PCDH15: variants seen among roughly 807,000 people sequenced by gnomAD.
The protein encoded by PCDH15 is protocadherin-15.
A neutral mutation model predicts 178.5 loss-of-function variants in PCDH15; 129 were observed. That is an observed-to-expected ratio of 0.72 (90% CI 0.63 to 0.84). PCDH15 has a LOEUF of 0.84. Ranked by LOEUF, PCDH15 falls within the 40% of genes least tolerant of loss-of-function variation. The probability of loss-of-function intolerance (pLI) is 0.00; values close to 1 mark genes in which losing one functional copy is unlikely to be tolerated. For synonymous variants in PCDH15, 800 were observed against 732.0 expected, an observed-to-expected ratio of 1.09 and a Z score of -1.50; for missense variants, 2,230 against 2,099.9, an observed-to-expected ratio of 1.06 and a Z score of -1.21.
intron 2 of PCDH15, among the ~76,000 whole-genome samples, chr10:55,336,764 A>G (rs1277433761): frequency 6.6e-6 from 1 of 152,130 alleles, no homozygotes; most frequent in African/African-American, 2.4e-5. Context: ...ACAGCTGTCC[A>G]TGAAAAACAT....
At chr10:54,420,988 C>A (rs1203334987) in intron 3 of PCDH15, among the ~76,000 whole-genome samples, 2 of 152,046 alleles carry the variant, frequency 1.3e-5, no homozygotes, top group Non-Finnish European at 2.9e-5. Context: ...TCTCCCTCAA[C>A]CTGGAATACC....
chr10:54,664,826 A>G (rs2094545325), intron 1 of PCDH15, among the ~76,000 whole-genome samples: 1 of 151,742 alleles, frequency 6.6e-6, no homozygotes, highest in Non-Finnish European at 1.5e-5. Flanking sequence ...AAAATCTGTC[A>G]ATTTTCACTA....
At chr10:53,940,758 T>C in intron 24 of PCDH15, 108 bp downstream of exon 24, 1 of 858,132 alleles carries the variant, frequency 1.2e-6, no homozygotes, top group Non-Finnish European at 1.9e-6. Flanking sequence ...ATGGGCACAA[T>C]TTTATTAGAA....
At chr10:54,443,536 T>C (rs1163246098) in intron 3 of PCDH15, among the ~76,000 whole-genome samples, 1 of 151,636 alleles carries the variant, frequency 6.6e-6, no homozygotes, top group Non-Finnish European at 1.5e-5. Context: ...ATATCCCTTA[T>C]ATGGAAACAG....
At chr10:55,380,672 T>C (rs1588971152) in intron 2 of PCDH15, among the ~76,000 whole-genome samples, 1 of 152,154 alleles carries the variant, frequency 6.6e-6, no homozygotes, top group African/African-American at 2.4e-5. Context: ...CACCTCTGCA[T>C]TGGCCACGCA....
chr10:54,755,638 C>T (rs1480176141), intron 1 of PCDH15, among the ~76,000 whole-genome samples: 1 of 151,966 alleles, frequency 6.6e-6, no homozygotes, highest in African/African-American at 2.4e-5. Flanking sequence ...CTTTATGACA[C>T]AATAGTAAAC....
chr10:54,100,104 A>G (rs183062448), intron 15 of PCDH15, among the ~76,000 whole-genome samples: 1 of 152,286 alleles, frequency 6.6e-6, no homozygotes, highest in Admixed American at 6.5e-5. Flanking sequence ...ATGGTGGCTC[A>G]TGACTGTAAT....
intron 2 of PCDH15, among the ~76,000 whole-genome samples, chr10:55,147,324 C>A (rs1299675841): frequency 2.6e-5 from 4 of 151,372 alleles, no homozygotes; most frequent in African/African-American, 4.8e-5. Context: ...GAAAAAAATT[C>A]TTCACATATA....
chr10:55,259,397 T>C (rs1397729668), intron 1 of PCDH15, among the ~76,000 whole-genome samples: 1 of 152,154 alleles, frequency 6.6e-6, no homozygotes, highest in Non-Finnish European at 1.5e-5. Context: ...AGAATCTAAG[T>C]AAAGAAAGTA....
chr10:54,765,532 G>A (rs117938057), intron 1 of PCDH15, among the ~76,000 whole-genome samples: 1 of 152,174 alleles, frequency 6.6e-6, no homozygotes, highest in East Asian at 1.9e-4. Context: ...CCAGAATTTT[G>A]TTTGGACATA....
chr10:53,930,786 T>A lies in PCDH15; in HGVS notation c.3373+8029A>T, dbSNP rs564091857. ...ACATAAACCCCCTAGCTTTAGTCAA[T>A]CAGGGAGATGGATTTGAAACTGAAC... On this transcript the variant is annotated intron_variant, in intron 25 of 37. Transcript: ENST00000644397. Among the ~76,000 whole-genome samples, 86 of 152,246 alleles carry A rather than the reference T, an allele frequency of 5.6e-4. 2 individuals carry two copies. In the Middle Eastern group the frequency reaches 0.02, roughly 36 times the overall value.
chr10:54,997,189 TG>T (rs1185941788), intron 2 of PCDH15, among the ~76,000 whole-genome samples: 1 of 152,114 alleles, frequency 6.6e-6, no homozygotes, highest in African/African-American at 2.4e-5. Flanking sequence ...GGATTACCTA[TG>T]GGGGCAAACA....
chr10:54,926,253 T>C (rs894485855), intron 2 of PCDH15, among the ~76,000 whole-genome samples: 1 of 152,170 alleles, frequency 6.6e-6, no homozygotes, highest in Non-Finnish European at 1.5e-5. Context: ...TTACATGTAT[T>C]GATTTGAGTA....
At chr10:54,607,590 G>T (rs934134193) in intron 2 of PCDH15, among the ~76,000 whole-genome samples, 2 of 151,978 alleles carry the variant, frequency 1.3e-5, no homozygotes, top group Non-Finnish European at 2.9e-5. Context: ...CTTGTTTCAG[G>T]TTAAGAGTAG....
chr10:54,413,286 T>C (rs1384391510), intron 3 of PCDH15, among the ~76,000 whole-genome samples: 1 of 152,168 alleles, frequency 6.6e-6, no homozygotes, highest in African/African-American at 2.4e-5. Flanking sequence ...TTTGTGATTG[T>C]TGGTTTGTGA....
At chr10:54,136,913 T>C (rs964254688) in intron 14 of PCDH15, among the ~76,000 whole-genome samples, 3 of 152,170 alleles carry the variant, frequency 2.0e-5, no homozygotes, top group Admixed American at 2.0e-4. Flanking sequence ...GAGGAGATCA[T>C]ATATTAAGGT....
At chr10:54,063,797 G>C (rs2094080302) in intron 18 of PCDH15, among the ~76,000 whole-genome samples, 1 of 152,150 alleles carries the variant, frequency 6.6e-6, no homozygotes, top group Non-Finnish European at 1.5e-5. Context: ...AGCTGCTTTG[G>C]CGGGACGGGT....
chr10:54,951,235 C>G (rs1353686581), intron 2 of PCDH15, among the ~76,000 whole-genome samples: 1 of 151,872 alleles, frequency 6.6e-6, no homozygotes, highest in Non-Finnish European at 1.5e-5. Flanking sequence ...CCCTCATGCA[C>G]TCTAAACCTC....
In PCDH15 at chr10:54,532,047, C is replaced by G. The variant is rs539467124; in HGVS notation, c.92-4170G>C. 2.0e-5 allele frequency among the ~76,000 whole-genome samples: 3 copies of G among 152,234 alleles called. No individual in the cohort carries two copies. The South Asian group carries it at 6.2e-4, about 32-fold the overall frequency. On this transcript the variant is annotated intron_variant, in intron 2 of 37. Coordinates refer to ENST00000644397, the MANE Select transcript of PCDH15 (RefSeq NM_001384140.1). ...TAAAGAAAAACTTGTCATATCCACT[C>G]ACTGCTTTCAATCTGCAGTGGTACC...
Sources: allele counts gnomAD v4.1 joint callset (sites outside exome capture counted in the v4.1 genomes callset), GRCh38; gene constraint gnomAD v4.1.1; transcripts MANE v1.5; gene names NCBI Gene and HGNC (gene_info 2026-07-23, HGNC 2026-07-21).